HECW2: variants seen among roughly 807,000 people sequenced by gnomAD.
The protein encoded by HECW2 is HECT, C2 and WW domain containing E3 ubiquitin protein ligase 2, also known as E3 ubiquitin-protein ligase HECW2.
In HECW2, 61 loss-of-function variants were observed where a neutral mutation model predicts 175.2. The observed-to-expected ratio is 0.35, with a 90% confidence interval of 0.28 to 0.43. The LOEUF is 0.43. Ranked by LOEUF, HECW2 falls within the 20% of genes least tolerant of loss-of-function variation. The probability of loss-of-function intolerance (pLI) is 1.00; values close to 1 mark genes in which losing one functional copy is unlikely to be tolerated. For synonymous variants in HECW2, 671 were observed against 731.0 expected, an observed-to-expected ratio of 0.92 and a Z score of 1.32; for missense variants, 1,524 against 2,000.5, an observed-to-expected ratio of 0.76 and a Z score of 4.54.
In HECW2 at chr2:196,257,836, C is replaced by G; in HGVS notation, c.3406G>C (p.Val1136Leu). 6.2e-7 allele frequency: 1 copy of G among 1,613,464 alleles called. No individual in the cohort carries two copies. The highest frequency in any genetic ancestry group is 8.5e-7 in the Non-Finnish European group (1 of 1,179,410). ...LVRLSSDADL[V>L]MLLSLFEEEI... The stretch of plus-strand genomic sequence containing the variant: ...TTACGTATGTACCTCAGCAACATAA[C>G]AAGGTCTGCATCGCTTGAAAGGCGC... The change falls in exon 18 of 29, where the codon GTT becomes CTT. Residue 1136 changes from valine (V) to leucine (L), a missense_variant. By Grantham distance (32) the Val-to-Leu change is conservative. Around this residue, in one of 11 missense-constraint regions of HECW2, gnomAD observed 291 missense variants for 412.2 expected, o/e 0.71. Coordinates refer to ENST00000644978, the MANE Select transcript of HECW2 (RefSeq NM_001348768.2).
chr2:196,246,136 C>T (rs952859667), intron 19 of HECW2, among the ~76,000 whole-genome samples: 2 of 152,048 alleles, frequency 1.3e-5, no homozygotes, highest in Non-Finnish European at 2.9e-5. Context: ...ATTTGCAACA[C>T]GAAGGAACAT....
chr2:196,565,852 C>T (rs1213455959), intron 1 of HECW2, among the ~76,000 whole-genome samples: 2 of 151,938 alleles, frequency 1.3e-5, no homozygotes, highest in East Asian at 3.8e-4. Flanking sequence ...ATAGTACATG[C>T]GAATAGTCAT....
Position 196,320,360 on chromosome 2 carries a change from C to A in HECW2, c.964G>T (p.Val322Phe). 3 of 1,609,088 alleles carry A rather than the reference C, an allele frequency of 1.9e-6. No homozygotes were observed. Among genetic ancestry groups the A allele is most frequent in the Non-Finnish European group, 2.6e-6 (3 of 1,175,968 alleles). Reference sequence around the variant, plus strand: ...TCACCTTCATGAACAGAAGACGTAACCTCCACTTTAAACTGGAGGTACCCA... The same window carrying A: ...TCACCTTCATGAACAGAAGACGTAAACTCCACTTTAAACTGGAGGTACCCA... ...VSGYLQFKVEVTSSVHEDASP... is the reference protein window; with the variant it reads ...VSGYLQFKVEFTSSVHEDASP... Residue 322 changes from valine (V) to phenylalanine (F), a missense_variant, in exon 8 of 29, where the codon GTT becomes TTT. This residue lies in a region of HECW2 where 604 missense variants were observed against 588.3 expected (regional missense o/e 1.03). Coordinates refer to ENST00000644978, the MANE Select transcript of HECW2 (RefSeq NM_001348768.2).
intron 11 of HECW2, among the ~76,000 whole-genome samples, chr2:196,307,682 G>T (rs1869794): frequency 0.15 from 23,319 of 152,064 alleles, 2,070 homozygotes; most frequent in Middle Eastern, 0.25. Context: ...TCAATGCTTG[G>T]GCTGACTAAA....
Position 196,201,192 on chromosome 2 carries a change from C to G in HECW2, c.*85G>C. The G allele has an allele frequency of 1.1e-6, 1 of 903,712 alleles. No homozygotes were observed. 56.0% of individuals were successfully genotyped at this position (903,712 alleles called of 1,614,324 possible). ...AGCTTTATCCTAAAGGAAGCATCCT[C>G]TTGAAACTTCCAATGTTCAATCATT... On this transcript the variant is annotated 3_prime_UTR_variant, in exon 29 of 29. Coordinates refer to ENST00000644978, the MANE Select transcript of HECW2 (RefSeq NM_001348768.2).
intron 1 of HECW2, among the ~76,000 whole-genome samples, chr2:196,443,877 A>G (rs781424606): frequency 6.6e-6 from 1 of 152,148 alleles, no homozygotes; most frequent in East Asian, 1.9e-4. Flanking sequence ...TCTACAAAAA[A>G]TACAAAAATT....
intron 15 of HECW2, among the ~76,000 whole-genome samples, chr2:196,275,511 T>A (rs550473107): frequency 2.3e-4 from 35 of 152,300 alleles, no homozygotes; most frequent in Middle Eastern, 3.4e-3. Flanking sequence ...CCCAGCACTT[T>A]GGGTGGCCAA....
At chr2:196,385,171 C>T (rs6706936) in intron 2 of HECW2, among the ~76,000 whole-genome samples, 1,734 of 152,178 alleles carry the variant, frequency 0.011, 29 homozygotes, top group African/African-American at 0.04. Flanking sequence ...CTTAGCCTCC[C>T]AAAGTGCTGG....
chr2:196,498,493 T>C (rs1687471063), intron 1 of HECW2, among the ~76,000 whole-genome samples: 1 of 152,216 alleles, frequency 6.6e-6, no homozygotes, highest in Admixed American at 6.5e-5. Flanking sequence ...CTAAAATAAC[T>C]GACTCGATTT....
chr2:196,248,607 C>T (rs904337862), intron 19 of HECW2, among the ~76,000 whole-genome samples: 2 of 141,942 alleles, frequency 1.4e-5, no homozygotes, highest in South Asian at 4.4e-4. Flanking sequence ...GACACACACA[C>T]ACACACACAC....
intron 21 of HECW2, among the ~76,000 whole-genome samples, chr2:196,235,598 ATC>A (rs997334838): frequency 1.3e-5 from 2 of 150,568 alleles, no homozygotes; most frequent in African/African-American, 2.5e-5. Context: ...TGGAGCTGAA[ATC>A]TCTCTGCTCA....
intron 2 of HECW2, among the ~76,000 whole-genome samples, chr2:196,344,991 T>A (rs1173942481): frequency 6.6e-6 from 1 of 152,178 alleles, no homozygotes; most frequent in African/African-American, 2.4e-5. Flanking sequence ...AGTTTCATCA[T>A]ATTGAAAAGC....
chr2:196,222,337 T>C lies in HECW2; in HGVS notation c.4020A>G (p.Leu1340=), dbSNP rs16847486. 8,867 of 1,613,110 alleles carry C rather than the reference T, an allele frequency of 5.5e-3. 387 individuals carry two copies. In the African/African-American group the frequency reaches 0.1, roughly 18 times the overall value. The part of the protein sequence containing the change: ...RPFYKALLRI[L]CDLSDLEYLD... ...GGTATTCTAGGTCACTCAGGTCACA[T>C]AGACTAAGATGACAAACAGACAGAA... The change falls in exon 24 of 29, where the codon CTA becomes CTG. Residue 1340 remains leucine (L), a synonymous_variant. Transcript: ENST00000644978.
intron 2 of HECW2, among the ~76,000 whole-genome samples, chr2:196,368,035 A>G (rs773548451): frequency 6.6e-6 from 1 of 152,028 alleles, no homozygotes; most frequent in East Asian, 1.9e-4. Context: ...TGCTGTTATA[A>G]ACTTAGGTTG....
intron 17 of HECW2, among the ~76,000 whole-genome samples, chr2:196,268,450 T>C (rs773852835): frequency 2.6e-5 from 4 of 152,204 alleles, no homozygotes; most frequent in African/African-American, 4.8e-5. Flanking sequence ...TTAGAGACTT[T>C]TCAGACTCTA....
chr2:196,476,228 G>A (rs1017319816), intron 1 of HECW2, among the ~76,000 whole-genome samples: 1 of 152,016 alleles, frequency 6.6e-6, no homozygotes, highest in African/African-American at 2.4e-5. Flanking sequence ...CAGATCACCT[G>A]AGGTCAGGAG....
intron 28 of HECW2, among the ~76,000 whole-genome samples, chr2:196,210,369 CT>C (rs1281322776): frequency 1.3e-5 from 2 of 151,686 alleles, no homozygotes; most frequent in Non-Finnish European, 2.9e-5. Flanking sequence ...TAGTAATTGA[CT>C]TTTTTTTCCT....
At chr2:196,556,948 ATAAC>A (rs956336644) in intron 1 of HECW2, among the ~76,000 whole-genome samples, 2 of 152,256 alleles carry the variant, frequency 1.3e-5, no homozygotes, top group African/African-American at 2.4e-5. Flanking sequence ...ATTTCTATAA[ATAAC>A]TAACTCCCAC....
rs541414431 is a variant in HECW2, at chr2:196,414,146, C to T, written c.292+18986G>A. ...TTTCCATAAATAGTTCAGAGCCTCA[C>T]GCCACGTGAATATTTCTTCAAAAGT... On this transcript the variant is annotated intron_variant, in intron 2 of 28. Transcript: ENST00000644978. Among the ~76,000 whole-genome samples, 10 of 152,310 alleles carry T rather than the reference C, an allele frequency of 6.6e-5. No homozygotes were observed. The East Asian group carries it at 1.3e-3, about 21-fold the overall frequency.
Sources: gnomAD v4.1 joint callset for allele counts (sites outside exome capture counted in the v4.1 genomes callset) on GRCh38, gnomAD v4.1.1 for gene constraint, gnomAD v4.1.1 regional missense constraint, MANE v1.5 for transcripts, NCBI Gene and HGNC (gene_info 2026-07-23, HGNC 2026-07-21) for gene names.